DOP1A: variants seen among roughly 807,000 people sequenced by gnomAD.
The protein encoded by DOP1A is DOP1 leucine zipper like protein A, also known as protein DOP1A.
DOP1A carries 90 observed loss-of-function variants against 267.6 expected under a neutral mutation model. That is an observed-to-expected ratio of 0.34 (90% CI 0.28 to 0.40). The LOEUF is 0.40. Among genes scored for constraint, DOP1A ranks in the 10% least tolerant of loss-of-function variants. The probability of loss-of-function intolerance (pLI) is 1.00; values close to 1 mark genes in which losing one functional copy is unlikely to be tolerated. For missense variants in DOP1A, 2,437 were observed against 2,900.4 expected, an observed-to-expected ratio of 0.84 and a Z score of 3.67; for synonymous variants, 932 against 999.1, an observed-to-expected ratio of 0.93 and a Z score of 1.27.
intron 10 of DOP1A, among the ~76,000 whole-genome samples, chr6:83,121,431 G>C (rs1435489884): frequency 1.3e-5 from 2 of 151,566 alleles, no homozygotes; most frequent in African/African-American, 4.8e-5. Flanking sequence ...TGAAGCTCAG[G>C]AATTTTTTTA....
chr6:83,166,328 T>A, intron 38 of DOP1A: 1 of 666,738 alleles, frequency 1.5e-6, no homozygotes, highest in Admixed American at 2.2e-5. Context: ...TTCCGATGAC[T>A]GGCCACTGCA....
At chr6:83,136,204 A>G (rs927954111) in intron 20 of DOP1A, among the ~76,000 whole-genome samples, 3 of 152,174 alleles carry the variant, frequency 2.0e-5, no homozygotes, top group African/African-American at 7.2e-5. Context: ...TAGATACTTC[A>G]TTGGGAATTT....
At chr6:83,085,680 G>A (rs1345397622) in intron 1 of DOP1A, among the ~76,000 whole-genome samples, 2 of 151,422 alleles carry the variant, frequency 1.3e-5, no homozygotes, top group Admixed American at 6.6e-5. Context: ...TGCTGTTTCT[G>A]CTGTATCAGA....
chr6:83,159,793 C>T lies in DOP1A; in HGVS notation c.6798-3C>T. On this transcript the variant is annotated splice_polypyrimidine_tract_variant and splice_region_variant and intron_variant, in intron 36 of 38. Transcript: ENST00000349129. ...TGCTGACAGCACTGTCTCCTGCTTA[C>T]AGGACTTCAGGGCCCTCTGTGGCTG... 1 of 1,614,140 alleles carries T rather than the reference C, an allele frequency of 6.2e-7. No individual in the cohort carries two copies. The highest frequency in any genetic ancestry group is 8.5e-7 in the Non-Finnish European group (1 of 1,180,018).
At chr6:83,088,079 A>G (rs1769627663) in intron 1 of DOP1A, among the ~76,000 whole-genome samples, 1 of 151,978 alleles carries the variant, frequency 6.6e-6, no homozygotes, top group Non-Finnish European at 1.5e-5. Flanking sequence ...TCACCGTGTT[A>G]GCCAGGATGG....
chr6:83,120,790 A>G lies in DOP1A; in HGVS notation c.1098A>G (p.Leu366=). 3 of 1,564,110 alleles carry G rather than the reference A, an allele frequency of 1.9e-6. No individual in the cohort carries two copies. Among genetic ancestry groups the G allele is most frequent in the Non-Finnish European group, 2.6e-6 (3 of 1,144,946 alleles). Reference sequence around the variant, plus strand: ...TCAGTTTACTGGACAAACCTGAGCTAGGTAATGTATACTGTCCTAGGGCAT... The same window carrying G: ...TCAGTTTACTGGACAAACCTGAGCTGGGTAATGTATACTGTCCTAGGGCAT... ...ILISLLDKPE[L]GPVILEDVLI... The change falls in exon 10 of 39, where the codon CTA becomes CTG. Residue 366 remains leucine, a splice_region_variant and synonymous_variant. Coordinates refer to ENST00000349129, the MANE Select transcript of DOP1A (RefSeq NM_015018.4).
chr6:83,106,181 T>A (rs903888953), intron 4 of DOP1A, among the ~76,000 whole-genome samples: 1 of 152,224 alleles, frequency 6.6e-6, no homozygotes, highest in Non-Finnish European at 1.5e-5. Context: ...TAGAATACCA[T>A]ATTGCCTCTT....
At position 83,122,931 on chromosome 6, in the gene DOP1A, A is replaced by T. The variant is rs1219385020; in HGVS notation, c.1289A>T (p.Glu430Val). Residue 430 changes from glutamate to valine, a missense_variant, in exon 12 of 39, where the codon GAA (glutamate) becomes GTA (valine). Glu to Val is a moderately radical substitution (Grantham distance 121). Around this residue, in one of 9 missense-constraint regions of DOP1A, gnomAD observed 498 missense variants for 513.5 expected, o/e 0.97. Transcript: ENST00000349129. ...KTANLLFNSF[E>V]PYYMWDYVAR... ...GCTAACCTTCTCTTTAATTCCTTCGAACCTTATTATATGTGGGATTATGTT... is the reference window on the plus strand; with the variant it reads ...GCTAACCTTCTCTTTAATTCCTTCGTACCTTATTATATGTGGGATTATGTT... 6.3e-7 allele frequency: 1 copy of T among 1,577,780 alleles called. No individual in the cohort carries two copies. Among genetic ancestry groups the T allele is most frequent in the Non-Finnish European group, 8.6e-7 (1 of 1,166,662 alleles).
At chr6:83,088,628 G>A (rs1441435586) in intron 1 of DOP1A, among the ~76,000 whole-genome samples, 1 of 151,906 alleles carries the variant, frequency 6.6e-6, no homozygotes, top group African/African-American at 2.4e-5. Flanking sequence ...CACCATGTTG[G>A]CCAGGATGGC....
intron 1 of DOP1A, among the ~76,000 whole-genome samples, chr6:83,075,845 T>C (rs552905883): frequency 2.0e-5 from 3 of 152,078 alleles, no homozygotes; most frequent in Non-Finnish European, 4.4e-5. Context: ...TAACACAAAA[T>C]GGATTAAAGA....
chr6:83,147,219 ATTTCT>A lies in DOP1A; in HGVS notation c.5677-13_5677-9del, dbSNP rs751447135. On this transcript the variant is annotated splice_polypyrimidine_tract_variant and intron_variant, in intron 25 of 38. Transcript: ENST00000349129. ...AGTATTCTTCTTCACTACAAAATTGATTTCTTTTATTTATAGAAACATCTTTCTTT... is the reference window on the plus strand; with the variant it reads ...AGTATTCTTCTTCACTACAAAATTGATTTATTTATAGAAACATCTTTCTTT... The A allele has an allele frequency of 9.4e-6, 13 of 1,379,854 alleles. No individual in the cohort carries two copies. Among genetic ancestry groups the A allele is most frequent in the African/African-American group, 2.9e-5 (2 of 69,540 alleles). 85.5% of individuals were successfully genotyped at this position (1,379,854 alleles called of 1,614,324 possible).
intron 17 of DOP1A, among the ~76,000 whole-genome samples, chr6:83,131,790 C>T (rs1439582779): frequency 6.6e-6 from 1 of 152,124 alleles, no homozygotes; most frequent in Admixed American, 6.5e-5. Flanking sequence ...TGCATGCCAC[C>T]ATGCCTGGCT....
chr6:83,124,968 A>C, intron 13 of DOP1A, 149 bp downstream of exon 13: 1 of 859,110 alleles, frequency 1.2e-6, no homozygotes, highest in Non-Finnish European at 1.8e-6. Context: ...AGATCTTTCA[A>C]GTGTTTGTCC....
chr6:83,080,663 CTG>C (rs1467421332), intron 1 of DOP1A, among the ~76,000 whole-genome samples: 2 of 152,186 alleles, frequency 1.3e-5, no homozygotes, highest in Non-Finnish European at 2.9e-5. Context: ...TGCAGTACCT[CTG>C]TAGTATTTCA....
chr6:83,083,659 A>G (rs567986711), intron 1 of DOP1A, among the ~76,000 whole-genome samples: 79 of 152,354 alleles, frequency 5.2e-4, no homozygotes, highest in Non-Finnish European at 8.4e-4. Flanking sequence ...GTAAGTCAGT[A>G]TCAACTGTGA....
At chr6:83,132,670 A>G (rs1038730189) in intron 18 of DOP1A, among the ~76,000 whole-genome samples, 5 of 152,122 alleles carry the variant, frequency 3.3e-5, no homozygotes, top group Admixed American at 3.3e-4. Context: ...CAGTTATGGA[A>G]CTTACGGATT....
chr6:83,137,192 C>T lies in DOP1A; in HGVS notation c.3150C>T (p.Ile1050=). The T allele has an allele frequency of 1.3e-6, 2 of 1,564,454 alleles. No individual in the cohort carries two copies. Among genetic ancestry groups the T allele is most frequent in the Non-Finnish European group, 1.7e-6 (2 of 1,155,828 alleles). The change falls in exon 21 of 39, where the codon ATC becomes ATT. Residue 1050 remains isoleucine (I), a synonymous_variant. Coordinates refer to ENST00000349129, the MANE Select transcript of DOP1A (RefSeq NM_015018.4). ...ACSNVSQVQL[I]TSKGNGEKPL... ...TATCAGTGAGCCAAGTACAACTCAT[C>T]ACATCAAAAGGAAATGGTGAAAAGC...
chr6:83,109,211 A>G (rs1156691098), intron 5 of DOP1A, 131 bp downstream of exon 5: 5 of 745,160 alleles, frequency 6.7e-6, no homozygotes, highest in East Asian at 2.7e-5. Context: ...GAATATTTCT[A>G]TAGCAATGAA....
rs1457152755 is a variant in DOP1A, at chr6:83,140,339, C to A, written c.5351C>A (p.Ser1784Tyr). 1 of 1,613,354 alleles carries A rather than the reference C, an allele frequency of 6.2e-7. No homozygotes were observed. Among genetic ancestry groups the A allele is most frequent in the African/African-American group, 1.3e-5 (1 of 75,042 alleles). ...TGGAGCATACTGCATCAAGCTGATT[C>A]TTCAGAAAAGATGACTATTGCCGCA... Reference protein sequence around the residue: ...LLWSILHQADSSEKMTIAASA... With the variant: ...LLWSILHQADYSEKMTIAASA... The change falls in exon 23 of 39, where the codon TCT becomes TAT. Residue 1784 changes from serine (S) to tyrosine (Y), a missense_variant. Physicochemically the swap from Ser to Tyr is moderately radical, Grantham distance 144. Transcript: ENST00000349129.
Sources: allele counts gnomAD v4.1 joint callset (sites outside exome capture counted in the v4.1 genomes callset), GRCh38; gene constraint gnomAD v4.1.1; regional missense constraint gnomAD v4.1.1; transcripts MANE v1.5; gene names NCBI Gene and HGNC (gene_info 2026-07-23, HGNC 2026-07-21).